The following PIGK variants were observed in gnomAD, a reference collection of about 807,000 sequenced individuals.
The protein encoded by PIGK is GPI-anchor transamidase.
PIGK carries 42 observed loss-of-function variants against 50.6 expected under a neutral mutation model. The observed-to-expected ratio is 0.83, with a 90% CI of 0.65 to 1.07. The LOEUF is 1.07. Ranked by LOEUF, PIGK falls within the 50% of genes least tolerant of loss-of-function variation. The pLI, the probability that PIGK is intolerant of heterozygous loss-of-function variation, is 0.00. For synonymous variants in PIGK, 151 were observed against 156.0 expected, an observed-to-expected ratio of 0.97 and a Z score of 0.24; for missense variants, 448 against 488.7, an observed-to-expected ratio of 0.92 and a Z score of 0.78.
At chr1:77,122,142 G>A (rs1270762748) in intron 10 of PIGK, 133 bp downstream of exon 10, 3 of 564,964 alleles carry the variant, frequency 5.3e-6, no homozygotes, top group East Asian at 5.8e-5. Context: ...AATAGGGGTA[G>A]TCTAAATAGG....
At chr1:77,101,604 C>T (rs1653542566) in intron 10 of PIGK, among the ~76,000 whole-genome samples, 1 of 152,210 alleles carries the variant, frequency 6.6e-6, no homozygotes, top group Admixed American at 6.5e-5. Context: ...CTATTAAATG[C>T]CAATTCATTA....
chr1:77,137,505 C>T (rs1197262189), intron 9 of PIGK, among the ~76,000 whole-genome samples: 1 of 152,028 alleles, frequency 6.6e-6, no homozygotes, highest in African/African-American at 2.4e-5. Context: ...TGGCCTTTTC[C>T]AAATATGCCT....
intron 9 of PIGK, among the ~76,000 whole-genome samples, chr1:77,133,072 GT>G (rs1654414294): frequency 1.3e-5 from 2 of 152,054 alleles, no homozygotes; most frequent in South Asian, 4.1e-4. Context: ...TTAGGAAAAT[GT>G]TTATTATCAC....
intron 5 of PIGK, among the ~76,000 whole-genome samples, chr1:77,166,157 A>T (rs971252620): frequency 6.6e-6 from 1 of 152,230 alleles, no homozygotes; most frequent in Non-Finnish European, 1.5e-5. Flanking sequence ...TACATATGAT[A>T]ACTATATTAT....
In PIGK at chr1:77,218,991, G is replaced by C. The variant is rs1656655154; in HGVS notation, c.93+319C>G. Among the ~76,000 whole-genome samples the C allele has an allele frequency of 2.6e-5, 4 of 152,168 alleles. No homozygotes were observed. In the South Asian group the frequency reaches 8.3e-4, roughly 31 times the overall value. On this transcript the variant is annotated intron_variant, in intron 1 of 10. Transcript: ENST00000370812. ...TATCAAAACAGAGGGCTGCAGTTGAGTAGTAGGAAAGCAGTTGCTGCACAC... is the reference window on the plus strand; with the variant it reads ...TATCAAAACAGAGGGCTGCAGTTGACTAGTAGGAAAGCAGTTGCTGCACAC...
chr1:77,126,396 C>G (rs1327715261), intron 9 of PIGK, among the ~76,000 whole-genome samples: 1 of 152,064 alleles, frequency 6.6e-6, no homozygotes, highest in African/African-American at 2.4e-5. Context: ...GGTAAGCTGA[C>G]TTACTAGGTT....
At chr1:77,186,014 A>G (rs965736638) in intron 3 of PIGK, among the ~76,000 whole-genome samples, 1 of 152,206 alleles carries the variant, frequency 6.6e-6, no homozygotes, top group African/African-American at 2.4e-5. Context: ...CCATCCAGCC[A>G]TAAAGTAGGT....
intron 7 of PIGK, 80 bp downstream of exon 7, chr1:77,161,514 A>T (rs2100555645): frequency 1.1e-6 from 1 of 950,138 alleles, no homozygotes; most frequent in East Asian, 2.4e-5. Context: ...GAACAGATAC[A>T]TTCATAAAGC....
chr1:77,194,580 A>G (rs186156886), intron 3 of PIGK, among the ~76,000 whole-genome samples: 1 of 149,582 alleles, frequency 6.7e-6, no homozygotes, highest in Non-Finnish European at 1.5e-5. Context: ...AGTAGGAGCT[A>G]AACACTGGGT....
chr1:77,186,260 A>G (rs1655735380), intron 3 of PIGK, among the ~76,000 whole-genome samples: 1 of 152,248 alleles, frequency 6.6e-6, no homozygotes, highest in South Asian at 2.1e-4. Flanking sequence ...GGTTCTGCAC[A>G]ATATGTGGGC....
chr1:77,118,681 C>T lies in PIGK; in HGVS notation c.1071+3594G>A, dbSNP rs75074379. ...TATTATGATGCAAGAACATAGTATC[C>T]CCCTCCAGTAGTTAATCAACTCTCT... On this transcript the variant is annotated intron_variant, in intron 10 of 10. Transcript: ENST00000370812. 8.3e-3 allele frequency among the ~76,000 whole-genome samples: 1,262 copies of T among 152,224 alleles called. 4 individuals carry two copies. The highest frequency in any genetic ancestry group is 0.013 in the Non-Finnish European group (908 of 68,014).
chr1:77,112,883 C>G (rs1479776699), intron 10 of PIGK, among the ~76,000 whole-genome samples: 1 of 152,086 alleles, frequency 6.6e-6, no homozygotes, highest in Non-Finnish European at 1.5e-5. Flanking sequence ...CAACAATCCT[C>G]CAGCAAAGCA....
At chr1:77,167,882 T>C (rs372034147) in intron 4 of PIGK, among the ~76,000 whole-genome samples, 56 of 152,236 alleles carry the variant, frequency 3.7e-4, no homozygotes, top group Middle Eastern at 3.2e-3. Flanking sequence ...AATTATAGAT[T>C]AACCATGAAA....
Position 77,089,610 on chromosome 1 carries a change from C to A in PIGK, c.*2764G>T, listed in dbSNP as rs1653253760. 6.6e-6 allele frequency: 1 copy of A among 152,502 alleles called. No individual in the cohort carries two copies. The highest frequency in any genetic ancestry group is 2.4e-5 in the African/African-American group (1 of 41,414). The allele number at this position is 152,502 out of a possible 1,614,324, so 9.4% of individuals were successfully genotyped here. A position where few individuals can be genotyped will look rare whatever the true frequency, so the allele number is the denominator to read the frequency against. On this transcript the variant is annotated 3_prime_UTR_variant, in exon 11 of 11. Coordinates refer to ENST00000370812, the MANE Select transcript of PIGK (RefSeq NM_005482.3). The stretch of plus-strand genomic sequence containing the variant: ...ACCATAGTAGAAAATACTCAGTAAG[C>A]AGAAACAAGCTGAGTTATGCTTCTT...
intron 4 of PIGK, among the ~76,000 whole-genome samples, chr1:77,168,670 G>C (rs1390310452): frequency 1.6e-5 from 2 of 121,522 alleles, no homozygotes; most frequent in Non-Finnish European, 3.2e-5. Flanking sequence ...ACAGGAAATT[G>C]TGTCTTACTT....
Position 77,102,257 on chromosome 1 carries a change from C to T in PIGK, c.1072-9767G>A, listed in dbSNP as rs1460688078. ...TCCAGGCTTAGTTTCCTGGTGACCA[C>T]TCCTAATTATTTGGATTCTATTATA... is the stretch of plus-strand genomic sequence containing the variant. On this transcript the variant is annotated intron_variant, in intron 10 of 10. Coordinates refer to ENST00000370812, the MANE Select transcript of PIGK (RefSeq NM_005482.3). Among the ~76,000 whole-genome samples the T allele has an allele frequency of 9.2e-5, 14 of 152,292 alleles. 1 individual carries two copies. The South Asian group carries it at 2.1e-3, about 23-fold the overall frequency.
chr1:77,146,508 A>T (rs1369008869), intron 9 of PIGK, among the ~76,000 whole-genome samples: 2 of 152,056 alleles, frequency 1.3e-5, no homozygotes, highest in African/African-American at 4.8e-5. Context: ...AAAAAAATGT[A>T]AAAGAGGCCT....
chr1:77,148,220 G>T lies in PIGK; in HGVS notation c.986+6229C>A, dbSNP rs897238307. 2.0e-5 allele frequency among the ~76,000 whole-genome samples: 3 copies of T among 152,090 alleles called. No individual in the cohort carries two copies. The East Asian group carries it at 5.8e-4, about 29-fold the overall frequency. On this transcript the variant is annotated intron_variant, in intron 9 of 10. Transcript: ENST00000370812. Reference sequence around the variant, plus strand: ...AAACTTTGGATTGCCATTCATATTTGCATGCAAACAGCACCTACATACAAT... The same window carrying T: ...AAACTTTGGATTGCCATTCATATTTTCATGCAAACAGCACCTACATACAAT...
At chr1:77,149,003 C>T (rs1021402476) in intron 9 of PIGK, among the ~76,000 whole-genome samples, 9 of 152,092 alleles carry the variant, frequency 5.9e-5, no homozygotes, top group Admixed American at 3.3e-4. Context: ...GCGTGAGCCA[C>T]CACGCCCAGC....
Sources: gnomAD v4.1 joint callset for allele counts (sites outside exome capture counted in the v4.1 genomes callset) on GRCh38, gnomAD v4.1.1 for gene constraint, MANE v1.5 for transcripts, NCBI Gene and HGNC (gene_info 2026-07-23, HGNC 2026-07-21) for gene names.